Variants in WDR49 observed in about 807,000 individuals in gnomAD.
The protein encoded by WDR49 is cilia- and flagella-associated protein 337.
Under a neutral mutation model 119.5 loss-of-function variants are expected in WDR49, and 107 were observed. That is an observed-to-expected ratio of 0.90 (90% CI 0.77 to 1.05). WDR49 has a LOEUF of 1.05. WDR49 is among the 50% of genes least tolerant of loss of function. The pLI is 0.00. For synonymous variants in WDR49, 425 were observed against 418.8 expected (o/e 1.01, Z -0.18); for missense variants, 1,240 against 1,220.5 (o/e 1.02, Z -0.24).
In WDR49 at chr3:167,560,231, A is replaced by G. The variant is rs1352725450; in HGVS notation, c.1510-3T>C. The stretch of plus-strand genomic sequence containing the variant: ...GACCCTGTATCAGAGCTGATTACCT[A>G]AGAGAAAATAACATTTTAAAGAAAT... On this transcript the variant is annotated splice_polypyrimidine_tract_variant and splice_region_variant and intron_variant, in intron 8 of 18. Coordinates refer to ENST00000682715, the MANE Select transcript of WDR49 (RefSeq NM_001366157.1). The G allele has an allele frequency of 6.2e-7, 1 of 1,607,414 alleles. No individual in the cohort carries two copies. The highest frequency in any genetic ancestry group is 1.1e-5 in the South Asian group (1 of 89,832).
intron 3 of WDR49, among the ~76,000 whole-genome samples, chr3:167,625,594 A>G (rs777184030): frequency 6.6e-6 from 1 of 152,004 alleles, no homozygotes; most frequent in African/African-American, 2.4e-5. Context: ...GAAATTGTGA[A>G]ATTAGAATAT....
chr3:167,489,760 C>G (rs2108197419), intron 18 of WDR49, among the ~76,000 whole-genome samples: 1 of 152,228 alleles, frequency 6.6e-6, no homozygotes, highest in Non-Finnish European at 1.5e-5. Context: ...ACCCTGGCAA[C>G]AAAGGACTTG....
intron 18 of WDR49, among the ~76,000 whole-genome samples, chr3:167,486,724 T>A (rs758554364): frequency 6.6e-6 from 1 of 151,988 alleles, no homozygotes; most frequent in Middle Eastern, 3.2e-3. Context: ...AGCATCGAGA[T>A]TCATAAAACA....
At chr3:167,502,921 G>C (rs546475188) in intron 17 of WDR49, among the ~76,000 whole-genome samples, 7 of 152,310 alleles carry the variant, frequency 4.6e-5, no homozygotes, top group Non-Finnish European at 8.8e-5. Flanking sequence ...ATTCAAGCAG[G>C]CTGTGGAGCA....
intron 6 of WDR49, among the ~76,000 whole-genome samples, chr3:167,603,021 C>T (rs1007325885): frequency 1.2e-4 from 19 of 152,088 alleles, no homozygotes; most frequent in African/African-American, 4.3e-4. Flanking sequence ...TGGAAAATCA[C>T]CTAATGATGC....
At chr3:167,627,356 C>A (rs1717178046) in intron 2 of WDR49, 64 bp from the exon 3 acceptor site, 1 of 1,202,844 alleles carries the variant, frequency 8.3e-7, no homozygotes, top group Admixed American at 4.2e-5. Flanking sequence ...CATGAGAGAA[C>A]TGTGCTACCC....
intron 11 of WDR49, 142 bp from the exon 12 acceptor site, chr3:167,533,119 G>C: frequency 1.9e-6 from 1 of 524,914 alleles, no homozygotes; most frequent in East Asian, 3.0e-5. Flanking sequence ...TTAGAAACAT[G>C]AATAATAATA....
chr3:167,573,430 A>ACACACACACAC (rs1553867426), intron 8 of WDR49, among the ~76,000 whole-genome samples: 13 of 145,488 alleles, frequency 8.9e-5, no homozygotes, highest in African/African-American at 3.4e-4. Flanking sequence ...ACACACACAC[A>ACACACACACAC]ACACAAATAG....
At chr3:167,642,641 C>A (rs1048232346) in intron 2 of WDR49, among the ~76,000 whole-genome samples, 2 of 151,642 alleles carry the variant, frequency 1.3e-5, no homozygotes, top group African/African-American at 2.4e-5. Flanking sequence ...GCAATGACAC[C>A]CCTAATAGCA....
intron 7 of WDR49, among the ~76,000 whole-genome samples, chr3:167,594,209 A>AT (rs1332677943): frequency 2.6e-5 from 4 of 152,334 alleles, no homozygotes; most frequent in Middle Eastern, 3.4e-3. Flanking sequence ...AAAAGTTTGA[A>AT]GGGCTCATAA....
At position 167,544,592 on chromosome 3, in the gene WDR49, G is replaced by T. The variant is rs538490814; in HGVS notation, c.1824-7592C>A. Among the ~76,000 whole-genome samples the T allele has an allele frequency of 2.0e-5, 3 of 152,126 alleles. No homozygotes were observed. In the South Asian group the frequency reaches 6.2e-4, roughly 32 times the overall value. On this transcript the variant is annotated intron_variant, in intron 10 of 18. Transcript: ENST00000682715. ...CAAAGCAAACAAAAGCATAAAGTGG[G>T]TAAAGGACATGCTATTCAACAAATG...
chr3:167,504,967 A>T (rs1170657004), intron 17 of WDR49, among the ~76,000 whole-genome samples: 1 of 152,150 alleles, frequency 6.6e-6, no homozygotes, highest in Non-Finnish European at 1.5e-5. Flanking sequence ...AGATACCAAC[A>T]TTATGGTTCC....
intron 7 of WDR49, among the ~76,000 whole-genome samples, chr3:167,587,950 G>A (rs1218956142): frequency 1.3e-5 from 2 of 152,118 alleles, no homozygotes; most frequent in Non-Finnish European, 2.9e-5. Context: ...TGTGTTACAA[G>A]CAATCCAATT....
chr3:167,575,230 C>A, intron 8 of WDR49: 4 of 985,732 alleles, frequency 4.1e-6, no homozygotes, highest in Non-Finnish European at 3.6e-6. Flanking sequence ...TACCCACAGG[C>A]TGCCCCACAC....
At chr3:167,554,910 T>A (rs1309733236) in intron 9 of WDR49, 112 bp from the exon 10 acceptor site, 3 of 790,618 alleles carry the variant, frequency 3.8e-6, no homozygotes, top group Non-Finnish European at 5.9e-6. Context: ...CAACTCATCA[T>A]TGAATTTTGC....
intron 2 of WDR49, among the ~76,000 whole-genome samples, chr3:167,647,063 C>T (rs1718161877): frequency 6.6e-6 from 1 of 152,092 alleles, no homozygotes. Context: ...ACCAAAATGC[C>T]ACAAATAATG....
At position 167,582,969 on chromosome 3, in the gene WDR49, T is replaced by TACAC. The variant is rs142100499; in HGVS notation, c.1276-6822_1276-6819dup. Among the ~76,000 whole-genome samples the TACAC allele has an allele frequency of 5.7e-3, 786 of 137,604 alleles. 2 individuals are homozygous for TACAC. Among genetic ancestry groups the TACAC allele is most frequent in the African/African-American group, 0.016 (582 of 36,486 alleles). The allele number at this position is 137,604 out of a possible 152,430, so 90.3% of individuals were successfully genotyped here. A position where few individuals can be genotyped will look rare whatever the true frequency, so the allele number is the denominator to read the frequency against. ...AAACAAACACACACACACACACACA[T>TACAC]ACACACACACACACACACACAGATA... On this transcript the variant is annotated intron_variant, in intron 7 of 18. Coordinates refer to ENST00000682715, the MANE Select transcript of WDR49 (RefSeq NM_001366157.1).
rs1387740113 is a variant in WDR49, at chr3:167,625,206, AT to A, written c.606+1645del. On this transcript the variant is annotated intron_variant, in intron 3 of 18. Coordinates refer to ENST00000682715, the MANE Select transcript of WDR49 (RefSeq NM_001366157.1). Reference sequence around the variant, plus strand: ...TCTGGCATAGGAAATATACAAGATGATTCTGGAACATTTTGTCATACCACGA... The same window carrying A: ...TCTGGCATAGGAAATATACAAGATGATCTGGAACATTTTGTCATACCACGA... 2.0e-5 allele frequency among the ~76,000 whole-genome samples: 3 copies of A among 152,136 alleles called. No homozygotes were observed. The East Asian group carries it at 5.8e-4, about 29-fold the overall frequency.
intron 8 of WDR49, among the ~76,000 whole-genome samples, chr3:167,565,725 A>G (rs1713553617): frequency 6.6e-6 from 1 of 152,298 alleles, no homozygotes; most frequent in East Asian, 1.9e-4. Context: ...GAAGCCAGCA[A>G]GGCTTAAGCA....
Sources: gnomAD v4.1 joint callset for allele counts (sites outside exome capture counted in the v4.1 genomes callset) on GRCh38, gnomAD v4.1.1 for gene constraint, MANE v1.5 for transcripts, NCBI Gene and HGNC (gene_info 2026-07-23, HGNC 2026-07-21) for gene names.